ATP10D: variants seen among roughly 807,000 people sequenced by gnomAD.
The protein encoded by ATP10D is phospholipid-transporting ATPase VD.
Under a neutral mutation model 144.8 loss-of-function variants are expected in ATP10D, and 89 were observed. The observed-to-expected ratio is 0.61, with a 90% CI of 0.52 to 0.73. The LOEUF is 0.73. Ranked by LOEUF, ATP10D falls within the 30% of genes least tolerant of loss-of-function variation. The pLI is 0.00. For missense variants in ATP10D, 1,603 were observed against 1,714.8 expected (o/e 0.93, Z 1.15); for synonymous variants, 571 against 615.1 (o/e 0.93, Z 1.06).
chr4:47,536,771 A>G lies in ATP10D; in HGVS notation c.1229A>G (p.Tyr410Cys). 1 of 1,613,402 alleles carries G rather than the reference A, an allele frequency of 6.2e-7. No individual in the cohort carries two copies. Residue 410 changes from tyrosine (Y) to cysteine (C), a missense_variant, in exon 9 of 23, where the codon TAC (tyrosine) becomes TGC (cysteine). Physicochemically the swap from Tyr to Cys is radical, Grantham distance 194. Coordinates refer to ENST00000273859, the MANE Select transcript of ATP10D (RefSeq NM_020453.4). ...TTCATTCAAAGTGATGTGGATTTCT[A>G]CAATGAAAAAATGGATTCTATTGTT... The part of the protein sequence containing the change: ...IYFIQSDVDF[Y>C]NEKMDSIVQC...
At position 47,592,636 on chromosome 4, in the gene ATP10D, G is replaced by T. The variant is rs971694166; in HGVS notation, c.*1255G>T. 1 of 152,430 alleles carries T rather than the reference G, an allele frequency of 6.6e-6. No individual in the cohort carries two copies. The highest frequency in any genetic ancestry group is 1.5e-5 in the Non-Finnish European group (1 of 67,962). The allele number at this position is 152,430 out of a possible 1,614,324, so 9.4% of individuals were successfully genotyped here. The stretch of plus-strand genomic sequence containing the variant: ...ACCAGTCATCCAGAATTTCCTTCCT[G>T]AATCTCCATGCTCATATGCAATGTC... On this transcript the variant is annotated 3_prime_UTR_variant, in exon 23 of 23. Transcript: ENST00000273859.
intron 1 of ATP10D, chr4:47,491,539 A>G: frequency 2.1e-6 from 1 of 473,172 alleles, no homozygotes; most frequent in Non-Finnish European, 3.8e-6. Context: ...GTATCATATC[A>G]CAGTCTTCTC....
chr4:47,526,230 C>A (rs1233064280), intron 5 of ATP10D, among the ~76,000 whole-genome samples: 3 of 152,078 alleles, frequency 2.0e-5, no homozygotes, highest in Non-Finnish European at 1.5e-5. Context: ...GACTTATTCC[C>A]CAAAAATCAG....
At chr4:47,560,280 A>G (rs1294846233) in intron 13 of ATP10D, 5 of 152,234 alleles carry the variant, frequency 3.3e-5, no homozygotes, top group Admixed American at 1.3e-4. Context: ...AAAGGAAAAT[A>G]TATTATTGAT....
intron 1 of ATP10D, among the ~76,000 whole-genome samples, chr4:47,505,478 C>T (rs1309362014): frequency 6.6e-6 from 1 of 152,082 alleles, no homozygotes; most frequent in African/African-American, 2.4e-5. Flanking sequence ...AATCCTAGCA[C>T]TTTGGGAGGC....
chr4:47,589,198 A>G (rs770979404), intron 22 of ATP10D, among the ~76,000 whole-genome samples: 6 of 152,316 alleles, frequency 3.9e-5, no homozygotes, highest in Non-Finnish European at 7.4e-5. Flanking sequence ...GAGGGTCCAG[A>G]GGGAGCATGC....
chr4:47,536,140 C>T (rs1717835452), intron 7 of ATP10D, 107 bp downstream of exon 7: 7 of 1,349,382 alleles, frequency 5.2e-6, no homozygotes, highest in Admixed American at 4.2e-5. Context: ...TGGATTTTGT[C>T]AGTAGTGTTT....
chr4:47,517,538 G>A (rs1475210521), intron 3 of ATP10D, among the ~76,000 whole-genome samples: 1 of 152,222 alleles, frequency 6.6e-6, no homozygotes, highest in Non-Finnish European at 1.5e-5. Flanking sequence ...GCAACCTTGG[G>A]CAATTTACAA....
chr4:47,561,075 G>A lies in ATP10D; in HGVS notation c.2668G>A (p.Gly890Ser). The stretch of plus-strand genomic sequence containing the variant: ...GTTGGAGAACAAACTTACATTACTT[G>A]GTAGGTGAATTATGTTTGTATTGCC... ...MRLENKLTLLGATGIEDRLQE... is the reference protein window; with the variant it reads ...MRLENKLTLLSATGIEDRLQE... Residue 890 changes from glycine to serine, a missense_variant and splice_region_variant, in exon 14 of 23, where the codon GGT (glycine) becomes AGT (serine). Gly to Ser is a moderately conservative substitution (Grantham distance 56). Coordinates refer to ENST00000273859, the MANE Select transcript of ATP10D (RefSeq NM_020453.4). 3 of 1,614,058 alleles carry A rather than the reference G, an allele frequency of 1.9e-6. No homozygotes were observed. The highest frequency in any genetic ancestry group is 2.5e-6 in the Non-Finnish European group (3 of 1,179,950).
In ATP10D at chr4:47,591,455, G is replaced by A. The variant is rs1721045300; in HGVS notation, c.*74G>A. 1.5e-6 allele frequency: 2 copies of A among 1,306,568 alleles called. No homozygotes were observed. Among genetic ancestry groups the A allele is most frequent in the Non-Finnish European group, 2.1e-6 (2 of 952,212 alleles). The allele number at this position is 1,306,568 out of a possible 1,614,324, so 80.9% of individuals were successfully genotyped here. On this transcript the variant is annotated 3_prime_UTR_variant, in exon 23 of 23. Coordinates refer to ENST00000273859, the MANE Select transcript of ATP10D (RefSeq NM_020453.4). ...TTTGAAGAGGTATCTCTCCAAGCAA[G>A]AATGACTTGTTTTTCCATAAGGGAC...
Position 47,582,065 on chromosome 4 carries a change from G to A in ATP10D, c.3753+1G>A. The A allele has an allele frequency of 1.9e-6, 3 of 1,611,532 alleles. No individual in the cohort carries two copies. The highest frequency in any genetic ancestry group is 1.7e-4 in the Middle Eastern group (1 of 6,054). ...TCTGGTCATTGAAAGCAAGAGTTTGGTGAGTGGTTTTCTTGCCTCTGAAGT... is the reference window on the plus strand; with the variant it reads ...TCTGGTCATTGAAAGCAAGAGTTTGATGAGTGGTTTTCTTGCCTCTGAAGT... On this transcript the variant is annotated splice_donor_variant, in intron 21 of 22. Transcript: ENST00000273859. LOFTEE classifies it high-confidence loss of function.
At chr4:47,578,338 T>G (rs764615940) in intron 19 of ATP10D, 1 of 152,218 alleles carries the variant, frequency 6.6e-6, no homozygotes, top group African/African-American at 2.4e-5. Context: ...AGTCTGGAAG[T>G]CTGCAGTCAG....
At chr4:47,492,138 G>A (rs1025573616) in intron 1 of ATP10D, among the ~76,000 whole-genome samples, 7 of 152,190 alleles carry the variant, frequency 4.6e-5, no homozygotes, top group Non-Finnish European at 8.8e-5. Flanking sequence ...AAATTACTGA[G>A]CACCTTCAGT....
intron 17 of ATP10D, 73 bp from the exon 18 acceptor site, chr4:47,572,799 C>T: frequency 3.1e-6 from 5 of 1,593,618 alleles, no homozygotes; most frequent in Non-Finnish European, 4.3e-6. Context: ...TAGGGTTTCC[C>T]AAGAATTGTG....
intron 5 of ATP10D, among the ~76,000 whole-genome samples, chr4:47,532,149 C>G (rs918003092): frequency 6.6e-6 from 1 of 152,120 alleles, no homozygotes; most frequent in African/African-American, 2.4e-5. Flanking sequence ...GGAGCCATGG[C>G]CTACTTTTGT....
chr4:47,558,892 A>G (rs755238433), intron 12 of ATP10D, 31 bp from the exon 13 acceptor site: 2 of 1,527,078 alleles, frequency 1.3e-6, no homozygotes, highest in Non-Finnish European at 1.8e-6. Context: ...GCAGACTGGT[A>G]GGAACTCAAG....
intron 9 of ATP10D, among the ~76,000 whole-genome samples, chr4:47,543,007 A>G (rs1471127060): frequency 2.0e-5 from 3 of 152,202 alleles, no homozygotes; most frequent in Non-Finnish European, 4.4e-5. Context: ...GTTTTGAAGT[A>G]CAGTATTACC....
intron 9 of ATP10D, among the ~76,000 whole-genome samples, chr4:47,542,372 C>T (rs964509573): frequency 6.6e-6 from 1 of 152,074 alleles, no homozygotes; most frequent in Admixed American, 6.5e-5. Context: ...GCTGGGACTA[C>T]AGGTGTAAGC....
chr4:47,509,882 A>T (rs1408988741), intron 1 of ATP10D, among the ~76,000 whole-genome samples: 1 of 151,934 alleles, frequency 6.6e-6, no homozygotes, highest in Non-Finnish European at 1.5e-5. Flanking sequence ...AAGAAAGAAG[A>T]TCCCTGTATG....
Sources: allele counts gnomAD v4.1 joint callset (sites outside exome capture counted in the v4.1 genomes callset), GRCh38; gene constraint gnomAD v4.1.1; transcripts MANE v1.5; gene names NCBI Gene and HGNC (gene_info 2026-07-23, HGNC 2026-07-21).